The following NRXN1 variants were observed in gnomAD, a reference collection of about 807,000 sequenced individuals.
NRXN1 encodes the protein neurexin 1.
In NRXN1, 39 loss-of-function variants were observed where a neutral mutation model predicts 150.9. The ratio of observed to expected loss-of-function variants is 0.26; its 90% confidence interval spans 0.20 to 0.34. The LOEUF is 0.34. Among genes scored for constraint, NRXN1 ranks in the 10% least tolerant of loss-of-function variants. NRXN1 has a pLI of 1.00. For synonymous variants in NRXN1, 924 were observed against 757.0 expected (o/e 1.22, Z -3.62); for missense variants, 1,815 against 1,949.9 (o/e 0.93, Z 1.30).
intron 5 of NRXN1, among the ~76,000 whole-genome samples, chr2:50,895,177 G>A (rs1020650945): frequency 6.6e-6 from 1 of 152,130 alleles, no homozygotes; most frequent in Non-Finnish European, 1.5e-5. Context: ...AACGCTGTAA[G>A]AGTAATTTAT....
At chr2:50,833,811 A>C (rs2105898759) in intron 5 of NRXN1, among the ~76,000 whole-genome samples, 1 of 152,326 alleles carries the variant, frequency 6.6e-6, no homozygotes, top group Admixed American at 6.5e-5. Flanking sequence ...TTAATTTAAA[A>C]AAATCTTCTA....
intron 16 of NRXN1, among the ~76,000 whole-genome samples, chr2:50,469,374 G>A (rs1004833283): frequency 6.6e-6 from 1 of 151,674 alleles, no homozygotes; most frequent in African/African-American, 2.4e-5. Flanking sequence ...ATTTAGGAAA[G>A]ATCAAAAGTT....
intron 17 of NRXN1, among the ~76,000 whole-genome samples, chr2:50,263,420 T>C (rs2068511870): frequency 6.6e-6 from 1 of 152,038 alleles, no homozygotes; most frequent in Admixed American, 6.6e-5. Flanking sequence ...TCTCACCTAT[T>C]TGAGAGGTCC....
At chr2:50,750,053 G>A (rs1700412884) in intron 5 of NRXN1, among the ~76,000 whole-genome samples, 1 of 152,060 alleles carries the variant, frequency 6.6e-6, no homozygotes, top group African/African-American at 2.4e-5. Context: ...TCAAGATGCA[G>A]AAGTAAGATA....
At chr2:50,276,570 AC>A (rs1161638511) in intron 17 of NRXN1, among the ~76,000 whole-genome samples, 1 of 152,210 alleles carries the variant, frequency 6.6e-6, no homozygotes, top group Non-Finnish European at 1.5e-5. Flanking sequence ...AGAAAGAAAT[AC>A]ATCCTTCTCC....
intron 13 of NRXN1, among the ~76,000 whole-genome samples, chr2:50,505,794 CA>C (rs1024250144): frequency 6.6e-6 from 1 of 152,030 alleles, no homozygotes; most frequent in Non-Finnish European, 1.5e-5. Context: ...TGCTTTTTAC[CA>C]GAATAATTAA....
chr2:49,980,490 C>G (rs573841435), intron 21 of NRXN1, among the ~76,000 whole-genome samples: 28 of 152,030 alleles, frequency 1.8e-4, no homozygotes, highest in Non-Finnish European at 3.8e-4. Context: ...AAGAGAGAAA[C>G]TGGAGCAGAG....
chr2:50,922,398 C>G (rs1211684365), intron 4 of NRXN1: 5 of 575,056 alleles, frequency 8.7e-6, no homozygotes, highest in African/African-American at 1.9e-5. Context: ...AACTTTCAAT[C>G]ACAATTTCTT....
At chr2:50,697,479 C>T (rs1314715284) in intron 5 of NRXN1, among the ~76,000 whole-genome samples, 1 of 152,138 alleles carries the variant, frequency 6.6e-6, no homozygotes, top group African/African-American at 2.4e-5. Flanking sequence ...TTTAATCAGA[C>T]TGAAAGGAAA....
At chr2:50,293,321 G>A (rs772313946) in intron 17 of NRXN1, among the ~76,000 whole-genome samples, 1 of 151,912 alleles carries the variant, frequency 6.6e-6, no homozygotes, top group African/African-American at 2.4e-5. Context: ...GATAGTTCTC[G>A]GCCCAAAGTG....
At chr2:49,946,318 T>C (rs573611933) in intron 21 of NRXN1, among the ~76,000 whole-genome samples, 107 of 152,298 alleles carry the variant, frequency 7.0e-4, no homozygotes, top group African/African-American at 2.5e-3. Context: ...TGCAAAAATT[T>C]CCTCCCATTC....
intron 17 of NRXN1, among the ~76,000 whole-genome samples, chr2:50,243,273 A>G (rs1362112820): frequency 6.6e-6 from 1 of 151,802 alleles, no homozygotes; most frequent in East Asian, 1.9e-4. Flanking sequence ...AAACATCACT[A>G]TAAGTGTGTA....
At chr2:50,705,049 A>AC (rs1694243119) in intron 5 of NRXN1, among the ~76,000 whole-genome samples, 11 of 145,832 alleles carry the variant, frequency 7.5e-5, no homozygotes, top group Admixed American at 6.2e-4. Context: ...CAGAAACACA[A>AC]ACACACACAC....
At chr2:50,758,702 A>C (rs1443291936) in intron 5 of NRXN1, among the ~76,000 whole-genome samples, 1 of 151,864 alleles carries the variant, frequency 6.6e-6, no homozygotes, top group Non-Finnish European at 1.5e-5. Flanking sequence ...TTCCAGAGTA[A>C]CATGGTCTCT....
chr2:50,542,184 G>A (rs745550335), intron 9 of NRXN1, among the ~76,000 whole-genome samples: 5 of 152,170 alleles, frequency 3.3e-5, no homozygotes, highest in Non-Finnish European at 5.9e-5. Flanking sequence ...GGGAGGCTGA[G>A]GCAGGAGAAT....
At chr2:50,043,419 G>C (rs17039703) in intron 21 of NRXN1, among the ~76,000 whole-genome samples, 20,054 of 152,132 alleles carry the variant, frequency 0.13, 1,671 homozygotes, top group African/African-American at 0.22. Flanking sequence ...TTAATGCTGT[G>C]CACGGAAAAG....
chr2:50,623,595 T>C lies in NRXN1; in HGVS notation c.853A>G (p.Thr285Ala). The change falls in exon 6 of 23, where the codon ACG becomes GCG. Residue 285 changes from threonine to alanine, a missense_variant. By Grantham distance (58) the Thr-to-Ala change is moderately conservative. Around this residue, in one of 6 missense-constraint regions of NRXN1, gnomAD observed 554 missense variants for 478.8 expected, o/e 1.16. Transcript: ENST00000401669. ...CAGAAGTATTCAGATCCTTTGAACG[T>C]GGCAATATATTCTTCTTTTCCTAGA... ...KSKGKEEYIA[T>A]FKGSEYFCYD... is the part of the protein sequence containing the mutation. 1.2e-6 allele frequency: 2 copies of C among 1,610,872 alleles called. No individual in the cohort carries two copies.
chr2:50,068,280 T>C (rs1016695429), intron 19 of NRXN1, among the ~76,000 whole-genome samples: 2 of 152,166 alleles, frequency 1.3e-5, no homozygotes, highest in African/African-American at 4.8e-5. Context: ...TGCTGGATAA[T>C]TGCTAGCCCC....
intron 12 of NRXN1, among the ~76,000 whole-genome samples, chr2:50,520,999 A>T (rs2092772941): frequency 1.3e-5 from 2 of 152,110 alleles, no homozygotes; most frequent in Admixed American, 1.3e-4. Flanking sequence ...TACATGCATA[A>T]ACTACTTCCT....
Sources: allele counts gnomAD v4.1 joint callset (sites outside exome capture counted in the v4.1 genomes callset), GRCh38; gene constraint gnomAD v4.1.1; regional missense constraint gnomAD v4.1.1; transcripts MANE v1.5; gene names NCBI Gene and HGNC (gene_info 2026-07-23, HGNC 2026-07-21).